The following SCAF8 variants were observed in gnomAD, a reference collection of about 807,000 sequenced individuals.
The protein encoded by SCAF8 is SR-related CTD associated factor 8, also known as SR-related and CTD-associated factor 8.
In SCAF8, 23 loss-of-function variants were observed where a neutral mutation model predicts 140.5. The ratio of observed to expected loss-of-function variants is 0.16; its 90% CI spans 0.12 to 0.23. The LOEUF (loss-of-function observed/expected upper bound fraction) is 0.23. Ranked by LOEUF, SCAF8 falls within the 10% of genes least tolerant of loss-of-function variation. SCAF8 has a pLI of 1.00. For synonymous variants in SCAF8, 575 were observed against 528.9 expected, an observed-to-expected ratio of 1.09 and a Z score of -1.20; for missense variants, 1,397 against 1,555.7, an observed-to-expected ratio of 0.90 and a Z score of 1.72.
intron 3 of SCAF8, among the ~76,000 whole-genome samples, chr6:154,781,759 T>A (rs1429688973): frequency 6.6e-6 from 1 of 152,228 alleles, no homozygotes; most frequent in Non-Finnish European, 1.5e-5. Flanking sequence ...AACACTTGTA[T>A]ACCCAGAGTG....
At chr6:154,789,881 T>G (rs1263421654) in intron 4 of SCAF8, among the ~76,000 whole-genome samples, 1 of 152,198 alleles carries the variant, frequency 6.6e-6, no homozygotes, top group Admixed American at 6.5e-5. Context: ...CATAATTGAT[T>G]TTTAAAATAG....
At chr6:154,739,599 G>A (rs993690146) in intron 1 of SCAF8, among the ~76,000 whole-genome samples, 5 of 152,066 alleles carry the variant, frequency 3.3e-5, no homozygotes, top group African/African-American at 1.2e-4. Flanking sequence ...TAAATTGAGA[G>A]GATTCTGTTA....
At position 154,833,586 on chromosome 6, in the gene SCAF8, A is replaced by G. The variant is rs1039742349; in HGVS notation, c.*191A>G. On this transcript the variant is annotated 3_prime_UTR_variant, in exon 20 of 20. Transcript: ENST00000367178. ...ACATTGTTCTTAATATGAACATGGT[A>G]GGTAAACTTTTTTTTTATTTTTTTC... 15 of 465,300 alleles carry G rather than the reference A, an allele frequency of 3.2e-5. No individual in the cohort carries two copies. Among genetic ancestry groups the G allele is most frequent in the Non-Finnish European group, 5.1e-5 (14 of 275,666 alleles). The allele number at this position is 465,300 out of a possible 1,614,324, so 28.8% of individuals were successfully genotyped here.
At chr6:154,830,560 T>A (rs1562468221) in intron 18 of SCAF8, among the ~76,000 whole-genome samples, 1 of 152,232 alleles carries the variant, frequency 6.6e-6, no homozygotes, top group Non-Finnish European at 1.5e-5. Context: ...GGGCAGATTT[T>A]CATACTCATA....
At chr6:154,746,383 T>G (rs1312245501) in intron 1 of SCAF8, among the ~76,000 whole-genome samples, 2 of 152,222 alleles carry the variant, frequency 1.3e-5, no homozygotes, top group Non-Finnish European at 2.9e-5. Context: ...AGTGTGTGTA[T>G]ATCTATCAAT....
rs367876808 is a variant in SCAF8, at chr6:154,815,864, T to C, written c.1521+48T>C. ...TTAAGGTTTTAAAAAAGGAGGTTTT[T>C]ATTAATACAAAGAATCACTTCTGTT... is the stretch of plus-strand genomic sequence containing the variant. On this transcript the variant is annotated intron_variant, in intron 13 of 19. Transcript: ENST00000367178. 7 of 1,133,414 alleles carry C rather than the reference T, an allele frequency of 6.2e-6. No individual in the cohort carries two copies. In the African/African-American group the frequency reaches 1.1e-4, roughly 18 times the overall value. The allele number at this position is 1,133,414 out of a possible 1,614,324, so 70.2% of individuals were successfully genotyped here. A position where few individuals can be genotyped will look rare whatever the true frequency, so the allele number is the denominator to read the frequency against.
rs141220992 is a variant in SCAF8 at position 154,809,907 on chromosome 6, C to T, written c.1227-108C>T. ...TTCAGAATATTTTAACATATTGTCA[C>T]TAAATATAAGACAACTTTTTTGTTA... is the stretch of plus-strand genomic sequence containing the variant. On this transcript the variant is annotated intron_variant, in intron 11 of 19. Transcript: ENST00000367178. 135 of 913,772 alleles carry T rather than the reference C, an allele frequency of 1.5e-4. 1 individual carries two copies. The African/African-American group carries it at 1.9e-3, about 13-fold the overall frequency. The allele number at this position is 913,772 out of a possible 1,614,324, so 56.6% of individuals were successfully genotyped here.
intron 3 of SCAF8, among the ~76,000 whole-genome samples, chr6:154,783,244 A>G (rs1055112073): frequency 1.3e-5 from 2 of 152,130 alleles, no homozygotes; most frequent in African/African-American, 4.8e-5. Flanking sequence ...CTTTTTTTGC[A>G]TGAGTACTAC....
intron 18 of SCAF8, among the ~76,000 whole-genome samples, chr6:154,829,666 G>A (rs1228650941): frequency 1.3e-5 from 2 of 152,092 alleles, no homozygotes; most frequent in African/African-American, 4.8e-5. Flanking sequence ...CAGTACTTTG[G>A]GAGGCTGAGG....
chr6:154,800,758 G>A (rs1412061029), intron 6 of SCAF8, among the ~76,000 whole-genome samples: 1 of 151,402 alleles, frequency 6.6e-6, no homozygotes, highest in Non-Finnish European at 1.5e-5. Context: ...TGTACTCTTA[G>A]GTTGAATCTA....
intron 6 of SCAF8, among the ~76,000 whole-genome samples, chr6:154,798,792 C>T (rs1404744483): frequency 2.0e-5 from 3 of 150,960 alleles, no homozygotes; most frequent in Non-Finnish European, 4.4e-5. Context: ...GAGTAAAAGC[C>T]CAAGATGTTT....
rs1472177155 is a variant in SCAF8, at chr6:154,733,567, G to A, written c.-334G>A. ...GTGGAGAGTGTAGGGGAAGGGGCTAGAGGGAGGGGGACCGAAACGGAGCGG... is the reference window on the plus strand; with the variant it reads ...GTGGAGAGTGTAGGGGAAGGGGCTAAAGGGAGGGGGACCGAAACGGAGCGG... On this transcript the variant is annotated 5_prime_UTR_variant, in exon 1 of 20. Coordinates refer to ENST00000367178, the MANE Select transcript of SCAF8 (RefSeq NM_014892.5). 7.0e-6 allele frequency: 9 copies of A among 1,282,732 alleles called. No individual in the cohort carries two copies. Among genetic ancestry groups the A allele is most frequent in the Non-Finnish European group, 8.8e-6 (9 of 1,017,376 alleles). 79.5% of individuals were successfully genotyped at this position (1,282,732 alleles called of 1,614,324 possible). A position where few individuals can be genotyped will look rare whatever the true frequency, so the allele number is the denominator to read the frequency against.
At chr6:154,764,016 G>C (rs1776486646) in intron 1 of SCAF8, among the ~76,000 whole-genome samples, 2 of 152,164 alleles carry the variant, frequency 1.3e-5, no homozygotes, top group African/African-American at 2.4e-5. Context: ...ATCTTGATTA[G>C]AGATAAGTTT....
At chr6:154,775,597 G>C (rs1776893579) in intron 2 of SCAF8, among the ~76,000 whole-genome samples, 1 of 152,136 alleles carries the variant, frequency 6.6e-6, no homozygotes, top group South Asian at 2.1e-4. Context: ...TTTTAAGCCA[G>C]AATTCTGTCA....
intron 4 of SCAF8, among the ~76,000 whole-genome samples, chr6:154,791,074 A>G (rs1411843722): frequency 1.3e-5 from 2 of 152,226 alleles, no homozygotes; most frequent in Non-Finnish European, 2.9e-5. Context: ...GAAGCAAGGT[A>G]TAATAGATGG....
In SCAF8 at chr6:154,795,030, C is replaced by T. The variant is rs1200729483; in HGVS notation, c.497C>T (p.Thr166Ile). 5 of 1,607,242 alleles carry T rather than the reference C, an allele frequency of 3.1e-6. No individual in the cohort carries two copies. Among genetic ancestry groups the T allele is most frequent in the Non-Finnish European group, 3.4e-6 (4 of 1,177,958 alleles). Residue 166 changes from threonine to isoleucine, a missense_variant, in exon 6 of 20, where the codon ACT becomes ATT. Physicochemically the swap from Thr to Ile is moderately conservative, Grantham distance 89 (BLOSUM62 -1). Coordinates refer to ENST00000367178, the MANE Select transcript of SCAF8 (RefSeq NM_014892.5). ...AAAGGAACTCCTGTGACACCTGTTA[C>T]TCCGGCCAATGTGGTCCAAGGCTTA... ...NTPGTPVTPV[T>I]PANVVQGLPD... is the part of the protein sequence containing the mutation.
At chr6:154,791,914 G>A (rs1254339447) in intron 4 of SCAF8, among the ~76,000 whole-genome samples, 1 of 152,056 alleles carries the variant, frequency 6.6e-6, no homozygotes, top group Non-Finnish European at 1.5e-5. Context: ...TGGATGCAGT[G>A]CTGCAGTTCA....
chr6:154,738,859 A>G (rs1778496317), intron 1 of SCAF8, among the ~76,000 whole-genome samples: 1 of 152,198 alleles, frequency 6.6e-6, no homozygotes, highest in Non-Finnish European at 1.5e-5. Flanking sequence ...TGTGGAGGTC[A>G]TTCTGGTAGG....
intron 1 of SCAF8, among the ~76,000 whole-genome samples, chr6:154,759,062 G>C (rs1286348459): frequency 6.6e-6 from 1 of 152,000 alleles, no homozygotes; most frequent in East Asian, 1.9e-4. Flanking sequence ...CGTCCCCTTA[G>C]CTTTCACTGG....
Sources: gnomAD v4.1 joint callset for allele counts (sites outside exome capture counted in the v4.1 genomes callset) on GRCh38, gnomAD v4.1.1 for gene constraint, MANE v1.5 for transcripts, NCBI Gene and HGNC (gene_info 2026-07-23, HGNC 2026-07-21) for gene names.